PRKG1: variants seen among roughly 807,000 people sequenced by gnomAD.
The protein encoded by PRKG1 is cGMP-dependent protein kinase 1.
Under a neutral mutation model 88.1 loss-of-function variants are expected in PRKG1, and 35 were observed. The observed-to-expected ratio is 0.40, with a 90% CI of 0.30 to 0.53. The LOEUF is 0.53. PRKG1 is among the 20% of genes least tolerant of loss of function. PRKG1 has a pLI of 0.59. For missense variants in PRKG1, 540 were observed against 839.8 expected, an observed-to-expected ratio of 0.64 and a Z score of 4.41; for synonymous variants, 303 against 292.5, an observed-to-expected ratio of 1.04 and a Z score of -0.37.
chr10:51,732,116 G>T (rs563465423), intron 3 of PRKG1, among the ~76,000 whole-genome samples: 74 of 151,150 alleles, frequency 4.9e-4, no homozygotes, highest in Non-Finnish European at 1.5e-4. Context: ...CTGGAGTGCA[G>T]TGACACAATC....
At position 51,913,448 on chromosome 10, in the gene PRKG1, T is replaced by A. The variant is rs556556395; in HGVS notation, c.762+5878T>A. On this transcript the variant is annotated intron_variant, in intron 5 of 17. Coordinates refer to ENST00000373980, the MANE Select transcript of PRKG1 (RefSeq NM_006258.4). ...GCACTCAATGTTTAGCTGTCACTTA[T>A]AAGTGAGAACATGTAGTAATTTAAT... Among the ~76,000 whole-genome samples the A allele has an allele frequency of 5.4e-4, 83 of 152,352 alleles. 1 individual carries two copies. The highest frequency in any genetic ancestry group is 8.8e-4 in the Non-Finnish European group (60 of 68,038).
At chr10:51,795,255 G>A (rs917361732) in intron 3 of PRKG1, among the ~76,000 whole-genome samples, 2 of 151,914 alleles carry the variant, frequency 1.3e-5, no homozygotes, top group African/African-American at 4.8e-5. Flanking sequence ...TAATTACAGG[G>A]CAGCCCACTC....
chr10:51,730,989 C>T (rs1046590365), intron 3 of PRKG1, among the ~76,000 whole-genome samples: 4 of 152,192 alleles, frequency 2.6e-5, no homozygotes, highest in African/African-American at 7.2e-5. Flanking sequence ...AACCCTGTCT[C>T]TACTAAAAAT....
chr10:51,114,437 CTG>C (rs58190244), intron 1 of PRKG1, among the ~76,000 whole-genome samples: 4 of 150,272 alleles, frequency 2.7e-5, no homozygotes, highest in Non-Finnish European at 5.9e-5. Context: ...ATGAGTGACT[CTG>C]TGTGTGTGTG....
chr10:52,084,345 A>T (rs1402413054), intron 7 of PRKG1, among the ~76,000 whole-genome samples: 3 of 152,044 alleles, frequency 2.0e-5, no homozygotes, highest in Admixed American at 2.0e-4. Flanking sequence ...ATCTTTATTC[A>T]TTCACTTCCA....
intron 2 of PRKG1, among the ~76,000 whole-genome samples, chr10:51,355,834 T>C (rs1842354748): frequency 6.6e-6 from 1 of 152,106 alleles, no homozygotes; most frequent in East Asian, 1.9e-4. Flanking sequence ...TTCCCAATGA[T>C]AGTAGTAGAA....
chr10:52,007,694 A>G (rs1844773471), intron 5 of PRKG1, among the ~76,000 whole-genome samples: 1 of 152,208 alleles, frequency 6.6e-6, no homozygotes, highest in Admixed American at 6.5e-5. Flanking sequence ...TCAACACTCC[A>G]CTGACAGTAT....
At chr10:51,877,982 A>G (rs887602416) in intron 4 of PRKG1, among the ~76,000 whole-genome samples, 1 of 152,228 alleles carries the variant, frequency 6.6e-6, no homozygotes, top group Non-Finnish European at 1.5e-5. Flanking sequence ...AACACTGGAA[A>G]TAAACTTATT....
At chr10:51,702,417 G>T (rs541886085) in intron 3 of PRKG1, among the ~76,000 whole-genome samples, 1 of 152,070 alleles carries the variant, frequency 6.6e-6, no homozygotes, top group Non-Finnish European at 1.5e-5. Flanking sequence ...TATATTTCCT[G>T]GTACCAGTAC....
intron 7 of PRKG1, among the ~76,000 whole-genome samples, chr10:52,088,359 ATAT>A (rs1444649236): frequency 6.6e-6 from 1 of 150,424 alleles, no homozygotes; most frequent in Non-Finnish European, 1.5e-5. Context: ...TAATAAATTG[ATAT>A]TATTTTATAT....
chr10:51,859,145 A>G (rs1840800452), intron 4 of PRKG1, among the ~76,000 whole-genome samples: 1 of 152,210 alleles, frequency 6.6e-6, no homozygotes. Context: ...TTAAATCCAT[A>G]AATTTGATTC....
intron 3 of PRKG1, among the ~76,000 whole-genome samples, chr10:51,473,330 G>A (rs951439854): frequency 2.0e-5 from 3 of 151,740 alleles, no homozygotes; most frequent in Non-Finnish European, 2.9e-5. Context: ...TTAAGTAGAC[G>A]AAAAATGAAT....
intron 1 of PRKG1, among the ~76,000 whole-genome samples, chr10:51,098,139 T>C (rs936044431): frequency 2.9e-4 from 44 of 152,126 alleles, no homozygotes; most frequent in African/African-American, 9.9e-4. Context: ...GTCTGAGAGA[T>C]TGTTAGGAGA....
At chr10:51,308,081 C>T (rs948337116) in intron 2 of PRKG1, among the ~76,000 whole-genome samples, 5 of 152,138 alleles carry the variant, frequency 3.3e-5, no homozygotes, top group South Asian at 2.1e-4. Context: ...ACCTAAGGTA[C>T]ATTAAATATG....
intron 3 of PRKG1, among the ~76,000 whole-genome samples, chr10:51,611,415 T>C (rs1213325615): frequency 6.6e-6 from 1 of 152,104 alleles, no homozygotes; most frequent in Non-Finnish European, 1.5e-5. Flanking sequence ...TGGCCATTTG[T>C]ATGTCTTCTT....
chr10:51,012,465 G>T (rs527721115), intron 1 of PRKG1, among the ~76,000 whole-genome samples: 2 of 152,184 alleles, frequency 1.3e-5, no homozygotes, highest in East Asian at 3.9e-4. Context: ...TAATTAAAGA[G>T]TTCCATACCA....
chr10:51,509,015 G>A (rs191504855), intron 3 of PRKG1, among the ~76,000 whole-genome samples: 53 of 152,176 alleles, frequency 3.5e-4, no homozygotes, highest in African/African-American at 9.9e-4. Context: ...AGTTAAAATT[G>A]TTAACACTAC....
At chr10:51,130,444 C>T (rs1278670122) in intron 1 of PRKG1, among the ~76,000 whole-genome samples, 1 of 152,184 alleles carries the variant, frequency 6.6e-6, no homozygotes, top group Non-Finnish European at 1.5e-5. Flanking sequence ...TCGGCTCCTC[C>T]ATCTCTCTTC....
intron 2 of PRKG1, among the ~76,000 whole-genome samples, chr10:51,429,411 C>G (rs1009037594): frequency 6.6e-6 from 1 of 152,072 alleles, no homozygotes; most frequent in African/African-American, 2.4e-5. Context: ...CTAAAGGGTC[C>G]AGTTTTCACT....
Sources: gnomAD v4.1 joint callset for allele counts (sites outside exome capture counted in the v4.1 genomes callset) on GRCh38, gnomAD v4.1.1 for gene constraint, MANE v1.5 for transcripts, NCBI Gene and HGNC (gene_info 2026-07-23, HGNC 2026-07-21) for gene names.